The following CAST variants were observed in gnomAD, a reference collection of about 807,000 sequenced individuals.
CAST encodes MIR583 host.
A neutral mutation model predicts 119.6 loss-of-function variants in CAST; 76 were observed. The observed-to-expected ratio is 0.64, with a 90% CI of 0.53 to 0.77. The LOEUF (loss-of-function observed/expected upper bound fraction) is 0.77. Ranked by LOEUF, CAST falls within the 30% of genes least tolerant of loss-of-function variation. The probability of loss-of-function intolerance (pLI) is 0.00; values close to 1 mark genes in which losing one functional copy is unlikely to be tolerated. For synonymous variants in CAST, 319 were observed against 331.6 expected (o/e 0.96, Z 0.41); for missense variants, 953 against 946.5 (o/e 1.01, Z -0.09).
At chr5:96,068,629 A>G in the CAST span, among the ~76,000 whole-genome samples, 11 of 127,926 alleles carry the variant, frequency 8.6e-5, no homozygotes, top group South Asian at 2.6e-4. Context: ...GTGTGTGTGT[A>G]TAATATGTGT....
At chr5:96,198,476 C>T in the CAST span, among the ~76,000 whole-genome samples, 5 of 152,096 alleles carry the variant, frequency 3.3e-5, no homozygotes, top group Non-Finnish European at 5.9e-5. Flanking sequence ...CAGCGCTCCC[C>T]AAGCTGTGGG....
the CAST span, among the ~76,000 whole-genome samples, chr5:96,480,963 C>T: frequency 1.3e-5 from 2 of 152,120 alleles, no homozygotes; most frequent in African/African-American, 4.8e-5. Context: ...ATGGAAGGGA[C>T]AGGTTATAGA....
intron 1 of CAST, among the ~76,000 whole-genome samples, chr5:96,549,942 C>A (rs183849341): frequency 2.0e-5 from 3 of 152,220 alleles, no homozygotes. Flanking sequence ...CTTAACAAGG[C>A]CTACTGCCTC....
At chr5:96,577,128 C>T (rs1297144530) in intron 1 of CAST, among the ~76,000 whole-genome samples, 1 of 152,118 alleles carries the variant, frequency 6.6e-6, no homozygotes, top group Non-Finnish European at 1.5e-5. Flanking sequence ...TAATGGCTTC[C>T]AGCTTCATCC....
chr5:96,024,295 G>A, the CAST span, among the ~76,000 whole-genome samples: 16 of 152,158 alleles, frequency 1.1e-4, no homozygotes, highest in African/African-American at 3.4e-4. Context: ...AGAAGGTAGC[G>A]GTGGGGAGGA....
At chr5:96,600,794 A>C (rs1368624333) in intron 1 of CAST, among the ~76,000 whole-genome samples, 2 of 152,210 alleles carry the variant, frequency 1.3e-5, no homozygotes, top group Non-Finnish European at 2.9e-5. Context: ...AAGCTTTATA[A>C]GCTTAAGAGT....
the CAST span, among the ~76,000 whole-genome samples, chr5:96,283,087 G>A: frequency 2.9e-5 from 4 of 137,264 alleles, no homozygotes; most frequent in East Asian, 8.5e-4. Context: ...CCGAGATTGC[G>A]CCACTGCACT....
chr5:96,022,439 G>A, the CAST span, among the ~76,000 whole-genome samples: 1 of 152,096 alleles, frequency 6.6e-6, no homozygotes, highest in Non-Finnish European at 1.5e-5. Context: ...TATAGTAAAA[G>A]CACCTAGTGC....
chr5:96,532,237 C>T (rs748500480), intron 1 of CAST, among the ~76,000 whole-genome samples: 6 of 152,036 alleles, frequency 3.9e-5, no homozygotes, highest in Non-Finnish European at 8.8e-5. Context: ...AACTGGGAGG[C>T]CTGACTGCAG....
chr5:96,409,809 C>T, the CAST span, among the ~76,000 whole-genome samples: 860 of 152,296 alleles, frequency 5.6e-3, 9 homozygotes, highest in African/African-American at 0.02. Context: ...TGAAGAGATG[C>T]GCGTGAGAAG....
the CAST span, among the ~76,000 whole-genome samples, chr5:96,509,669 A>G: frequency 6.6e-6 from 1 of 152,236 alleles, no homozygotes; most frequent in South Asian, 2.1e-4. Context: ...ACTTTTAGGA[A>G]TCATTCCCAG....
At chr5:96,508,611 T>C in the CAST span, among the ~76,000 whole-genome samples, 2 of 152,068 alleles carry the variant, frequency 1.3e-5, no homozygotes, top group African/African-American at 4.8e-5. Flanking sequence ...AAAGAAAAAT[T>C]CTCTTAAAGG....
intron 1 of CAST, among the ~76,000 whole-genome samples, chr5:96,543,598 A>G (rs763217371): frequency 6.6e-6 from 1 of 152,210 alleles, no homozygotes; most frequent in Non-Finnish European, 1.5e-5. Flanking sequence ...TTTAGTTTTA[A>G]TAAGTCCAAC....
chr5:96,039,743 G>A, the CAST span, among the ~76,000 whole-genome samples: 7 of 152,114 alleles, frequency 4.6e-5, no homozygotes, highest in African/African-American at 1.7e-4. Context: ...TATCTGTTTT[G>A]ATACCAGTAT....
At chr5:96,398,719 A>G in the CAST span, among the ~76,000 whole-genome samples, 1 of 152,114 alleles carries the variant, frequency 6.6e-6, no homozygotes, top group Non-Finnish European at 1.5e-5. Context: ...GGGCAGAGGG[A>G]GATCTAACAC....
chr5:95,972,107 T>G, the CAST span, among the ~76,000 whole-genome samples: 1 of 151,284 alleles, frequency 6.6e-6, no homozygotes, highest in African/African-American at 2.5e-5. Context: ...CTACAGGGCA[T>G]GCCACCAAAC....
chr5:95,963,352 GGT>G, the CAST span, among the ~76,000 whole-genome samples: 1 of 152,098 alleles, frequency 6.6e-6, no homozygotes, highest in Non-Finnish European at 1.5e-5. Context: ...AAACATAGTA[GGT>G]GTATAATGTG....
At chr5:96,295,466 G>A in the CAST span, among the ~76,000 whole-genome samples, 1 of 152,184 alleles carries the variant, frequency 6.6e-6, no homozygotes, top group Non-Finnish European at 1.5e-5. Flanking sequence ...GTAAACAAAA[G>A]TGTCTCTTCA....
At chr5:96,736,271 G>A in intron 10 of CAST, 31 bp downstream of exon 10, 1 of 1,376,978 alleles carries the variant, frequency 7.3e-7, no homozygotes, top group African/African-American at 1.4e-5. Context: ...TTCTACATGA[G>A]ACAGTTACTC....
Sources: gnomAD v4.1 joint callset for allele counts (sites outside exome capture counted in the v4.1 genomes callset) on GRCh38, gnomAD v4.1.1 for gene constraint, MANE v1.5 for transcripts, NCBI Gene and HGNC (gene_info 2026-07-23, HGNC 2026-07-21) for gene names.